Variants in FAF1 observed in about 807,000 individuals in gnomAD.
FAF1 encodes Fas associated factor 1.
FAF1 carries 25 observed loss-of-function variants against 92.5 expected under a neutral mutation model. That is an observed-to-expected ratio of 0.27 (90% CI 0.20 to 0.38). FAF1 has a LOEUF of 0.38. Among genes scored for constraint, FAF1 ranks in the 10% least tolerant of loss-of-function variants. FAF1 has a pLI of 1.00. For missense variants in FAF1, 636 were observed against 793.3 expected (o/e 0.80, Z 2.38); for synonymous variants, 234 against 273.2 (o/e 0.86, Z 1.42).
At chr1:50,488,591 T>C (rs1337337260) in intron 17 of FAF1, among the ~76,000 whole-genome samples, 3 of 152,214 alleles carry the variant, frequency 2.0e-5, no homozygotes, top group African/African-American at 4.8e-5. Context: ...TTCTCCCTTA[T>C]CTAAACTTTT....
chr1:50,821,413 T>C (rs1369606345), intron 2 of FAF1, among the ~76,000 whole-genome samples: 1 of 152,182 alleles, frequency 6.6e-6, no homozygotes. Flanking sequence ...TTAGCATACA[T>C]ATTAAAGGAA....
intron 4 of FAF1, among the ~76,000 whole-genome samples, chr1:50,785,417 C>A (rs1661326972): frequency 6.6e-6 from 1 of 151,832 alleles, no homozygotes; most frequent in Non-Finnish European, 1.5e-5. Context: ...AGAAAAACTT[C>A]TATAACTCAA....
chr1:50,683,521 T>A (rs1402523443), intron 7 of FAF1, among the ~76,000 whole-genome samples: 1 of 149,842 alleles, frequency 6.7e-6, no homozygotes, highest in Non-Finnish European at 1.5e-5. Context: ...AGTGAGACCC[T>A]GTCTCATTAA....
At chr1:50,731,462 CAG>C (rs1311812525) in intron 6 of FAF1, among the ~76,000 whole-genome samples, 2 of 151,496 alleles carry the variant, frequency 1.3e-5, no homozygotes, top group African/African-American at 4.9e-5. Context: ...CTCTGCCTCC[CAG>C]GTTCACGCCA....
At chr1:50,712,318 G>A (rs1657965152) in intron 6 of FAF1, among the ~76,000 whole-genome samples, 1 of 152,150 alleles carries the variant, frequency 6.6e-6, no homozygotes, top group African/African-American at 2.4e-5. Context: ...GTTTTGTTTT[G>A]TGATGACTCT....
intron 18 of FAF1, among the ~76,000 whole-genome samples, chr1:50,452,828 TTGAG>T (rs1213033975): frequency 6.6e-6 from 1 of 152,232 alleles, no homozygotes; most frequent in African/African-American, 2.4e-5. Context: ...ATGTGTGCTC[TTGAG>T]TAAGTCATTT....
At chr1:50,476,834 A>G (rs1219010129) in intron 17 of FAF1, among the ~76,000 whole-genome samples, 4 of 152,190 alleles carry the variant, frequency 2.6e-5, no homozygotes, top group Non-Finnish European at 5.9e-5. Flanking sequence ...AAAGCTGAGA[A>G]TAACAGTATA....
At position 50,584,768 on chromosome 1, in the gene FAF1, T is replaced by A. The variant is rs1450891108; in HGVS notation, c.884A>T (p.Asp295Val). The A allele has an allele frequency of 6.2e-7, 1 of 1,613,632 alleles. No individual in the cohort carries two copies. Among genetic ancestry groups the A allele is most frequent in the Admixed American group, 1.7e-5 (1 of 60,012 alleles). Reference sequence around the variant, plus strand: ...CCCAAATTCTGTAGCATCTTCAAAGTCATCTCCATCGCTATCACTAACCAT... The same window carrying A: ...CCCAAATTCTGTAGCATCTTCAAAGACATCTCCATCGCTATCACTAACCAT... ...VHMVSDSDGD[D>V]FEDATEFGVD... Residue 295 changes from aspartate (D) to valine (V), a missense_variant, in exon 10 of 19, where the codon GAC (aspartate) becomes GTC (valine). Asp to Val is a radical substitution (Grantham distance 152, BLOSUM62 -3). Transcript: ENST00000396153.
intron 8 of FAF1, among the ~76,000 whole-genome samples, chr1:50,654,800 A>G (rs982324767): frequency 1.3e-5 from 2 of 152,150 alleles, no homozygotes; most frequent in African/African-American, 4.8e-5. Flanking sequence ...TATTCTTCTC[A>G]TCAAGAAAAA....
At chr1:50,636,615 CAA>C (rs965202646) in intron 8 of FAF1, among the ~76,000 whole-genome samples, 1 of 152,070 alleles carries the variant, frequency 6.6e-6, no homozygotes, top group Non-Finnish European at 1.5e-5. Flanking sequence ...CTTGGCCTCC[CAA>C]AGTGCTGGGA....
At chr1:50,809,936 C>T (rs913088642) in intron 2 of FAF1, among the ~76,000 whole-genome samples, 17 of 152,168 alleles carry the variant, frequency 1.1e-4, no homozygotes, top group Admixed American at 6.5e-5. Context: ...CAAGTGGGCC[C>T]TGGGATACAA....
At chr1:50,732,018 A>C (rs1327940605) in intron 6 of FAF1, among the ~76,000 whole-genome samples, 5 of 152,088 alleles carry the variant, frequency 3.3e-5, no homozygotes, top group Non-Finnish European at 4.4e-5. Context: ...TTACGGGGTT[A>C]TTAAAATCTT....
intron 1 of FAF1, among the ~76,000 whole-genome samples, chr1:50,910,125 T>G (rs1433863791): frequency 1.3e-5 from 2 of 152,238 alleles, no homozygotes; most frequent in Non-Finnish European, 2.9e-5. Context: ...GTTGCAAGTC[T>G]GTTGGAGTTT....
At chr1:50,743,516 T>C (rs1259589986) in intron 5 of FAF1, among the ~76,000 whole-genome samples, 2 of 151,382 alleles carry the variant, frequency 1.3e-5, no homozygotes, top group African/African-American at 2.4e-5. Flanking sequence ...TTAGTAGAGA[T>C]GGGGTTTTAC....
intron 7 of FAF1, among the ~76,000 whole-genome samples, chr1:50,657,619 A>C (rs1037738347): frequency 1.3e-5 from 2 of 152,238 alleles, no homozygotes; most frequent in African/African-American, 4.8e-5. Flanking sequence ...AGCATCATGC[A>C]TTTATGTTTT....
At chr1:50,741,297 A>C (rs1659376838) in intron 5 of FAF1, among the ~76,000 whole-genome samples, 1 of 152,246 alleles carries the variant, frequency 6.6e-6, no homozygotes, top group South Asian at 2.1e-4. Context: ...AGATGTAAAG[A>C]GCTTGAGCCT....
chr1:50,479,014 C>G (rs1157169203), intron 17 of FAF1, among the ~76,000 whole-genome samples: 1 of 152,184 alleles, frequency 6.6e-6, no homozygotes, highest in Non-Finnish European at 1.5e-5. Flanking sequence ...ACTACCTCCC[C>G]TCAAAGTCAG....
Position 50,475,684 on chromosome 1 carries a change from G to C in FAF1, c.1654-5C>G, listed in dbSNP as rs1177550250. 6.2e-7 allele frequency: 1 copy of C among 1,605,324 alleles called. No homozygotes were observed. The highest frequency in any genetic ancestry group is 8.5e-7 in the Non-Finnish European group (1 of 1,174,534). On this transcript the variant is annotated splice_region_variant and splice_polypyrimidine_tract_variant and intron_variant, in intron 17 of 18. Transcript: ENST00000396153. ...CTCTAAGGACAGCCGGATGGCCTAGGGAGAGCAAAAACCAGGTGTTAAAAT... is the reference window on the plus strand; with the variant it reads ...CTCTAAGGACAGCCGGATGGCCTAGCGAGAGCAAAAACCAGGTGTTAAAAT...
Position 50,490,629 on chromosome 1 carries a change from GA to G in FAF1, c.1611del (p.Arg538ValfsTer20). The G allele has an allele frequency of 6.2e-7, 1 of 1,613,228 alleles. No individual in the cohort carries two copies. Among genetic ancestry groups the G allele is most frequent in the East Asian group, 2.2e-5 (1 of 44,868 alleles). ...TGTTCTTTGCGAATCTGCTCCAAAC[GA>G]AACTGTTCTGCCATCTCTCTCTCGT... is the stretch of plus-strand genomic sequence containing the variant. Reference protein sequence around the residue: ...EAHEREMAEQFRLEQIRKEQE... With the variant: ...EAHEREMAEQXRLEQIRKEQE... On this transcript the variant is annotated frameshift_variant, in exon 17 of 19. Coordinates refer to ENST00000396153, the MANE Select transcript of FAF1 (RefSeq NM_007051.3). LOFTEE classifies it high-confidence loss of function.
Sources: gnomAD v4.1 joint callset for allele counts (sites outside exome capture counted in the v4.1 genomes callset) on GRCh38, gnomAD v4.1.1 for gene constraint, MANE v1.5 for transcripts, NCBI Gene and HGNC (gene_info 2026-07-23, HGNC 2026-07-21) for gene names.